VPS13B: variants seen among roughly 807,000 people sequenced by gnomAD.
The protein encoded by VPS13B is vacuolar protein sorting 13 homolog B.
In VPS13B, 285 loss-of-function variants were observed where a neutral mutation model predicts 426.4. The observed-to-expected ratio is 0.67, with a 90% CI of 0.61 to 0.74. VPS13B has a LOEUF of 0.74. Ranked by LOEUF, VPS13B falls within the 30% of genes least tolerant of loss-of-function variation. VPS13B has a pLI of 0.00. For missense variants in VPS13B, 4,537 were observed against 4,782.6 expected (o/e 0.95, Z 1.51); for synonymous variants, 1,676 against 1,676.4 (o/e 1.00, Z 0.01).
rs904911342 is a variant in VPS13B at position 99,877,523 on chromosome 8, CAT to C, written c.*1858_*1859del. Reference sequence around the variant, plus strand: ...ACAGCTCACATCACTGAATGTTACACATGAGTTTAAATGGGTAATATACAGGT... The same window carrying C: ...ACAGCTCACATCACTGAATGTTACACGAGTTTAAATGGGTAATATACAGGT... On this transcript the variant is annotated 3_prime_UTR_variant, in exon 62 of 62. Coordinates refer to ENST00000357162, the MANE Select transcript of VPS13B (RefSeq NM_152564.5). The C allele has an allele frequency of 6.6e-5, 10 of 152,650 alleles. No homozygotes were observed. The highest frequency in any genetic ancestry group is 1.9e-4 in the East Asian group (1 of 5,186). The allele number at this position is 152,650 out of a possible 1,614,324, so 9.5% of individuals were successfully genotyped here. A position where few individuals can be genotyped will look rare whatever the true frequency, so the allele number is the denominator to read the frequency against.
chr8:99,376,786 C>T (rs1393054585), intron 19 of VPS13B, among the ~76,000 whole-genome samples: 1 of 151,744 alleles, frequency 6.6e-6, no homozygotes, highest in Non-Finnish European at 1.5e-5. Flanking sequence ...AATTTATATG[C>T]CATTTTGTTT....
At chr8:99,802,991 A>G (rs1189970293) in intron 43 of VPS13B, among the ~76,000 whole-genome samples, 1 of 152,224 alleles carries the variant, frequency 6.6e-6, no homozygotes, top group African/African-American at 2.4e-5. Context: ...TGCTTGACAC[A>G]TAATGTCTAA....
At position 99,820,128 on chromosome 8, in the gene VPS13B, A is replaced by G. The variant is rs2130817893; in HGVS notation, c.8994+6A>G. The G allele has an allele frequency of 6.2e-7, 1 of 1,613,062 alleles. No homozygotes were observed. Among genetic ancestry groups the G allele is most frequent in the Non-Finnish European group, 8.5e-7 (1 of 1,179,266 alleles). On this transcript the variant is annotated splice_donor_region_variant and intron_variant, in intron 49 of 61. Coordinates refer to ENST00000357162, the MANE Select transcript of VPS13B (RefSeq NM_152564.5). ...TTATTCCTCCTAATTTTCAGGTACT[A>G]TAACTTTTTTAACTAATACGAATTC...
intron 37 of VPS13B, among the ~76,000 whole-genome samples, chr8:99,720,119 T>C (rs992680235): frequency 5.3e-5 from 8 of 152,220 alleles, no homozygotes; most frequent in African/African-American, 1.7e-4. Flanking sequence ...TAAAATTTAT[T>C]GTTATTCACA....
chr8:99,270,162 CAG>C (rs1453199059), intron 17 of VPS13B, among the ~76,000 whole-genome samples: 1 of 2,844 alleles, frequency 3.5e-4, no homozygotes, highest in Non-Finnish European at 1.7e-3. Context: ...TTTTTTGAGA[CAG>C]AGTCTTGCTC....
chr8:99,049,751 C>T (rs1843426640), intron 3 of VPS13B, among the ~76,000 whole-genome samples: 1 of 151,920 alleles, frequency 6.6e-6, no homozygotes, highest in Admixed American at 6.6e-5. Context: ...TTGATTATTC[C>T]CCCTAACATG....
At chr8:99,604,812 C>T (rs966293948) in intron 33 of VPS13B, among the ~76,000 whole-genome samples, 40 of 152,214 alleles carry the variant, frequency 2.6e-4, no homozygotes, top group African/African-American at 9.4e-4. Flanking sequence ...CAGTACTGCT[C>T]AGATATTTTG....
intron 39 of VPS13B, among the ~76,000 whole-genome samples, chr8:99,753,665 A>G (rs772330645): frequency 2.0e-5 from 3 of 152,214 alleles, no homozygotes; most frequent in African/African-American, 2.4e-5. Context: ...TAACTGGGTC[A>G]TATGTTAAGT....
intron 31 of VPS13B, among the ~76,000 whole-genome samples, chr8:99,567,065 A>G (rs1382933939): frequency 6.6e-6 from 1 of 152,142 alleles, no homozygotes; most frequent in Non-Finnish European, 1.5e-5. Flanking sequence ...CAGCCATATT[A>G]TTGAAGCTTT....
chr8:99,478,410 ATTT>A (rs375836786), intron 24 of VPS13B, among the ~76,000 whole-genome samples: 2 of 68,416 alleles, frequency 2.9e-5, no homozygotes, highest in South Asian at 4.3e-4. Flanking sequence ...TGAGCTCTTG[ATTT>A]TTTTTTTTTT....
intron 30 of VPS13B, among the ~76,000 whole-genome samples, chr8:99,536,061 T>C (rs1823200381): frequency 1.3e-5 from 2 of 151,986 alleles, no homozygotes. Context: ...GCAATTCTCC[T>C]GCCTCAGACT....
intron 28 of VPS13B, among the ~76,000 whole-genome samples, chr8:99,508,126 A>G (rs1363149213): frequency 6.6e-6 from 1 of 152,218 alleles, no homozygotes; most frequent in African/African-American, 2.4e-5. Context: ...TTTTACCTCA[A>G]TATAAGGAAA....
chr8:99,160,040 T>G (rs1281833391), intron 15 of VPS13B, among the ~76,000 whole-genome samples: 4 of 152,090 alleles, frequency 2.6e-5, no homozygotes, highest in Middle Eastern at 3.2e-3. Flanking sequence ...ACAGTATAAG[T>G]GTATACATAA....
rs772287232 is a variant in VPS13B at position 99,859,466 on chromosome 8, A to C, written c.11030A>C (p.Lys3677Thr). 7 of 1,613,004 alleles carry C rather than the reference A, an allele frequency of 4.3e-6. No individual in the cohort carries two copies. The highest frequency in any genetic ancestry group is 5.9e-6 in the Non-Finnish European group (7 of 1,179,950). Residue 3677 changes from lysine to threonine, a missense_variant, in exon 57 of 62, where the codon AAG becomes ACG. By Grantham distance (78) the Lys-to-Thr change is moderately conservative. This residue lies in a region of VPS13B where 4,311 missense variants were observed against 4,474.3 expected (regional missense o/e 0.96). Coordinates refer to ENST00000357162, the MANE Select transcript of VPS13B (RefSeq NM_152564.5). ...TCCAGAGGGACCACATCGTTTGTAA[A>C]GCACATCTCCAAAGGTAGCGGGTTC... is the stretch of plus-strand genomic sequence containing the variant. ...GVSRGTTSFVKHISKGTLTSI... is the reference protein window; with the variant it reads ...GVSRGTTSFVTHISKGTLTSI...
intron 33 of VPS13B, among the ~76,000 whole-genome samples, chr8:99,582,056 C>A (rs1336966892): frequency 6.6e-6 from 1 of 152,068 alleles, no homozygotes; most frequent in Admixed American, 6.6e-5. Context: ...AAGTTTACTC[C>A]CAAAACAGAG....
chr8:99,351,534 T>G (rs1211693210), intron 19 of VPS13B, among the ~76,000 whole-genome samples: 11 of 152,058 alleles, frequency 7.2e-5, no homozygotes, highest in Admixed American at 7.2e-4. Flanking sequence ...CTGGAATCCC[T>G]TTTTAGTCTG....
intron 16 of VPS13B, among the ~76,000 whole-genome samples, chr8:99,170,775 T>C (rs1044713155): frequency 5.3e-5 from 8 of 151,606 alleles, no homozygotes; most frequent in Admixed American, 1.3e-4. Flanking sequence ...GCTTTTAATA[T>C]ATTGTTTAAA....
At chr8:99,390,103 T>C (rs544677594) in intron 20 of VPS13B, among the ~76,000 whole-genome samples, 25 of 151,676 alleles carry the variant, frequency 1.6e-4, no homozygotes, top group African/African-American at 5.8e-4. Flanking sequence ...ATTTTAAATT[T>C]TTTTTTTTTT....
intron 7 of VPS13B, chr8:99,119,369 T>A (rs1392220739): frequency 1.3e-5 from 2 of 152,236 alleles, no homozygotes; most frequent in Admixed American, 1.3e-4. Context: ...GCCTCCCGAG[T>A]GGCTGGGTGG....
Sources: gnomAD v4.1 joint callset for allele counts (sites outside exome capture counted in the v4.1 genomes callset) on GRCh38, gnomAD v4.1.1 for gene constraint, gnomAD v4.1.1 regional missense constraint, MANE v1.5 for transcripts, NCBI Gene and HGNC (gene_info 2026-07-23, HGNC 2026-07-21) for gene names.